The following CHIC1 variants were observed in gnomAD, a reference collection of about 807,000 sequenced individuals.
CHIC1 encodes cysteine rich hydrophobic domain 1, also known as cysteine-rich hydrophobic domain-containing protein 1.
CHIC1 carries 7 observed loss-of-function variants against 18.5 expected under a neutral mutation model. The ratio of observed to expected loss-of-function variants is 0.38; its 90% CI spans 0.22 to 0.71. The LOEUF (loss-of-function observed/expected upper bound fraction) is 0.71, where lower values mean the gene tolerates loss of function less well. CHIC1 is among the 30% of genes least tolerant of loss of function. CHIC1 has a pLI of 0.49. For synonymous variants in CHIC1, 77 were observed against 73.5 expected, an observed-to-expected ratio of 1.05 and a Z score of -0.25; for missense variants, 159 against 176.9, an observed-to-expected ratio of 0.90 and a Z score of 0.57.
intron 3 of CHIC1, among the ~76,000 whole-genome samples, chrX:73,631,162 G>A (rs773132190): frequency 7.2e-5 from 8 of 111,151 alleles, no homozygotes; most frequent in African/African-American, 2.6e-4. Context: ...CTAGCAAAAG[G>A]TTTGTCAATT....
In CHIC1 at chrX:73,563,438, G is replaced by C. The variant is rs1309443467; in HGVS notation, c.154G>C (p.Glu52Gln). 5.2e-6 allele frequency: 6 copies of C among 1,162,097 alleles called. No individual in the cohort carries two copies. The highest frequency in any genetic ancestry group is 6.9e-6 in the Non-Finnish European group (6 of 869,967). The stretch of plus-strand genomic sequence containing the variant: ...TGACGAGGAGGATGAGGAGGAAGAG[G>C]AGGAAGAGGAGGAGGAGGAAGAAGA... Reference protein sequence around the residue: ...DDDEEDEEEEEEEEEEEEEEE... With the variant: ...DDDEEDEEEEQEEEEEEEEEE... The change falls in exon 1 of 6, where the codon GAG becomes CAG. Residue 52 changes from glutamate (E) to glutamine (Q), a missense_variant. By Grantham distance (29) the Glu-to-Gln change is conservative. Coordinates refer to ENST00000373502, the MANE Select transcript of CHIC1 (RefSeq NM_001039840.4).
At chrX:73,574,286 C>T (rs753054247) in intron 1 of CHIC1, among the ~76,000 whole-genome samples, 4 of 110,690 alleles carry the variant, frequency 3.6e-5, no homozygotes, top group Non-Finnish European at 7.6e-5. Context: ...GCTGTTTGAT[C>T]GTGGTGAATT....
chrX:73,678,145 A>G (rs1254532878), intron 3 of CHIC1, among the ~76,000 whole-genome samples: 1 of 111,667 alleles, frequency 9.0e-6, no homozygotes, highest in Non-Finnish European at 1.9e-5. Flanking sequence ...TTGGTTCTGC[A>G]TGGGCAGCAC....
intron 3 of CHIC1, among the ~76,000 whole-genome samples, chrX:73,596,017 G>C (rs755928210): frequency 1.5e-4 from 17 of 111,236 alleles, no homozygotes; most frequent in Non-Finnish European, 2.8e-4. Context: ...CTTTTTGATG[G>C]GGTTGCTTTT....
intron 3 of CHIC1, among the ~76,000 whole-genome samples, chrX:73,657,482 A>G (rs1008346631): frequency 1.2e-4 from 14 of 112,317 alleles, no homozygotes; most frequent in African/African-American, 4.5e-4. Context: ...GTATCTTGTA[A>G]CTTTCCTGAA....
chrX:73,605,436 C>T (rs1474838566), intron 3 of CHIC1, among the ~76,000 whole-genome samples: 3 of 107,397 alleles, frequency 2.8e-5, no homozygotes, highest in Non-Finnish European at 5.7e-5. Flanking sequence ...TGGGTCCTTA[C>T]TCTTTATCTA....
chrX:73,672,840 C>G (rs1158533593), intron 3 of CHIC1, among the ~76,000 whole-genome samples: 2 of 111,688 alleles, frequency 1.8e-5, no homozygotes, highest in Non-Finnish European at 3.8e-5. Context: ...AGTCCTTGCC[C>G]ATGCCTATGT....
chrX:73,620,423 T>C (rs931486094), intron 3 of CHIC1, among the ~76,000 whole-genome samples: 1 of 112,257 alleles, frequency 8.9e-6, no homozygotes, highest in Non-Finnish European at 1.9e-5. Context: ...TGGTATCTCA[T>C]TGTGGTTTTG....
intron 3 of CHIC1, among the ~76,000 whole-genome samples, chrX:73,621,493 CTGTT>C (rs902749321): frequency 1.1e-4 from 12 of 111,868 alleles, no homozygotes; most frequent in Non-Finnish European, 2.1e-4. Flanking sequence ...ATTTGGCTCT[CTGTT>C]TGTCTATTAT....
intron 3 of CHIC1, among the ~76,000 whole-genome samples, chrX:73,630,320 G>A (rs181273748): frequency 5.1e-4 from 57 of 111,606 alleles, no homozygotes; most frequent in African/African-American, 1.7e-3. Context: ...AGTGTCAAGA[G>A]TAGGCATCCT....
intron 1 of CHIC1, among the ~76,000 whole-genome samples, chrX:73,565,085 G>A (rs1210329251): frequency 2.7e-5 from 3 of 110,905 alleles, no homozygotes; most frequent in African/African-American, 9.8e-5. Flanking sequence ...AATTTTTCTT[G>A]GTCCAAGAAT....
intron 3 of CHIC1, among the ~76,000 whole-genome samples, chrX:73,627,525 C>T (rs1001625392): frequency 2.7e-5 from 3 of 112,411 alleles, no homozygotes; most frequent in African/African-American, 6.5e-5. Context: ...CCATAAGACG[C>T]AGTCCTTCCC....
chrX:73,580,668 A>G (rs1451762843), intron 2 of CHIC1, among the ~76,000 whole-genome samples: 1 of 111,097 alleles, frequency 9.0e-6, no homozygotes, highest in African/African-American at 3.3e-5. Flanking sequence ...AAAAGAAAAA[A>G]GGTCTAAATT....
At chrX:73,659,771 G>C (rs1308336279) in intron 3 of CHIC1, among the ~76,000 whole-genome samples, 3 of 111,342 alleles carry the variant, frequency 2.7e-5, no homozygotes, top group Non-Finnish European at 3.8e-5. Flanking sequence ...ATTGTGACTG[G>C]AATTATATGT....
At chrX:73,669,630 T>C (rs1024048835) in intron 3 of CHIC1, among the ~76,000 whole-genome samples, 1 of 111,404 alleles carries the variant, frequency 9.0e-6, no homozygotes, top group South Asian at 3.8e-4. Context: ...TTGGTCCCAC[T>C]TAAAGAAGCA....
chrX:73,602,046 A>G (rs2057653630), intron 3 of CHIC1, among the ~76,000 whole-genome samples: 1 of 105,006 alleles, frequency 9.5e-6, no homozygotes, highest in Non-Finnish European at 1.9e-5. Context: ...ATAGACCAGT[A>G]ACAGGTTCAG....
At chrX:73,599,859 A>G (rs2057633899) in intron 3 of CHIC1, among the ~76,000 whole-genome samples, 1 of 102,627 alleles carries the variant, frequency 9.7e-6, no homozygotes, top group East Asian at 3.0e-4. Context: ...GTTTTTTCCA[A>G]TTCTGTGAAG....
chrX:73,647,175 C>A (rs190374819), intron 3 of CHIC1, among the ~76,000 whole-genome samples: 2 of 111,992 alleles, frequency 1.8e-5, no homozygotes, highest in East Asian at 5.7e-4. Context: ...AACTGTGCAA[C>A]CCACGTATTG....
chrX:73,664,381 A>C (rs2057994732), intron 3 of CHIC1, among the ~76,000 whole-genome samples: 1 of 111,067 alleles, frequency 9.0e-6, no homozygotes, highest in East Asian at 2.8e-4. Flanking sequence ...TTTTCACTTC[A>C]GGAGGCCTTA....
Sources: gnomAD v4.1 joint callset for allele counts (sites outside exome capture counted in the v4.1 genomes callset) on GRCh38, gnomAD v4.1.1 for gene constraint, MANE v1.5 for transcripts, NCBI Gene and HGNC (gene_info 2026-07-23, HGNC 2026-07-21) for gene names.